The following DMRTC2 variants were observed in gnomAD, a reference collection of about 807,000 sequenced individuals.
DMRTC2 encodes the protein DMRT like family C2.
In DMRTC2, 13 loss-of-function variants were observed where a neutral mutation model predicts 39.9. The observed-to-expected ratio is 0.33, with a 90% CI of 0.21 to 0.52. The LOEUF is 0.52. DMRTC2 is among the 20% of genes least tolerant of loss of function. DMRTC2 has a pLI of 0.96. For missense variants in DMRTC2, 431 were observed against 472.8 expected, an observed-to-expected ratio of 0.91 and a Z score of 0.82; for synonymous variants, 189 against 185.2, an observed-to-expected ratio of 1.02 and a Z score of -0.17.
chr19:41,847,621 G>T lies in DMRTC2; in HGVS notation c.193G>T (p.Ala65Ser), dbSNP rs554987329. ...CCACAAGCGCCTCTGCCTCTTCCAG[G>T]CTTGCGAGTGTCACAAATGTGTCCT... Reference protein sequence around the residue: ...KGHKRLCLFQACECHKCVLIL... With the variant: ...KGHKRLCLFQSCECHKCVLIL... Residue 65 changes from alanine (A) to serine (S), a missense_variant, in exon 2 of 9, where the codon GCT becomes TCT. By Grantham distance (99) the Ala-to-Ser change is moderately conservative. Transcript: ENST00000269945. 1.1e-5 allele frequency: 17 copies of T among 1,614,216 alleles called. No homozygotes were observed. In the African/African-American group the frequency reaches 1.3e-4, roughly 13 times the overall value.
Position 41,851,620 on chromosome 19 carries a change from C to T in DMRTC2, c.1028C>T (p.Pro343Leu), listed in dbSNP as rs782176424. 2.5e-5 allele frequency: 40 copies of T among 1,614,186 alleles called. 4 individuals carry two copies. In the South Asian group the frequency reaches 4.2e-4, roughly 17 times the overall value. The change falls in exon 9 of 9, where the codon CCC becomes CTC. Residue 343 changes from proline (P) to leucine (L), a missense_variant. Pro to Leu is a moderately conservative substitution (Grantham distance 98, BLOSUM62 -3). Transcript: ENST00000269945. ...GGAAGAGGATTCCAGCCTGTTGGCC[C>T]CTGTCTTCGACCCAGCCCAGCCCCC... ...AGGRGFQPVG[P>L]CLRPSPAPSV... is the part of the protein sequence containing the mutation.
In DMRTC2 at chr19:41,850,685, C is replaced by A. The variant is rs782512193; in HGVS notation, c.976C>A (p.Pro326Thr). ...CCCTGCCTGGATCTCCCTGCTTCAC[C>A]CCTGTGGCCCACCAGGTGGGCCATG... ...PNPAWISLLH[P>T]CGPPAPAGGR... is the part of the protein sequence containing the mutation. The change falls in exon 8 of 9, where the codon CCC (proline) becomes ACC (threonine). Residue 326 changes from proline (P) to threonine (T), a missense_variant. Pro to Thr is a conservative substitution (Grantham distance 38). Transcript: ENST00000269945. The A allele has an allele frequency of 4.4e-6, 7 of 1,577,450 alleles. No homozygotes were observed. Among genetic ancestry groups the A allele is most frequent in the Non-Finnish European group, 6.0e-6 (7 of 1,163,850 alleles).
chr19:41,849,403 C>G (rs1300344889), intron 6 of DMRTC2, 147 bp downstream of exon 6: 14 of 1,223,990 alleles, frequency 1.1e-5, no homozygotes, highest in Non-Finnish European at 1.6e-5. Context: ...CTGCCATTTC[C>G]TAGCTGTGAT....
chr19:41,848,391 G>A, intron 3 of DMRTC2, 61 bp from the exon 4 acceptor site: 2 of 1,419,642 alleles, frequency 1.4e-6, no homozygotes, highest in Non-Finnish European at 1.9e-6. Flanking sequence ...ACTGTCTGGG[G>A]TTGGGGTAGG....
In DMRTC2 at chr19:41,851,584, C is replaced by T. The variant is rs782638534; in HGVS notation, c.992C>T (p.Ala331Val). 3 of 1,613,868 alleles carry T rather than the reference C, an allele frequency of 1.9e-6. No individual in the cohort carries two copies. In the East Asian group the frequency reaches 6.7e-5, roughly 36 times the overall value. Residue 331 changes from alanine (A) to valine (V), a missense_variant and splice_region_variant, in exon 9 of 9, where the codon GCT (alanine) becomes GTT (valine). Transcript: ENST00000269945. The part of the protein sequence containing the change: ...ISLLHPCGPP[A>V]PAGGRGFQPV... ...CCTGCCCCTTCCTTCTTGCCTGTAG[C>T]TCCTGCTGGAGGAAGAGGATTCCAG...
intron 5 of DMRTC2, 68 bp from the exon 6 acceptor site, chr19:41,849,062 T>C (rs2073914425): frequency 6.2e-7 from 1 of 1,611,580 alleles, no homozygotes; most frequent in East Asian, 2.2e-5. Flanking sequence ...AAAGCATAGG[T>C]GGGGAGAGGG....
chr19:41,849,138 C>G lies in DMRTC2; in HGVS notation c.637C>G (p.Pro213Ala), dbSNP rs782724452. Reference sequence around the variant, plus strand: ...TCTTTTATTCTTATTAGGCTTTGACCCTGGCACCTCCCTCCAGCTGCCCAC... The same window carrying G: ...TCTTTTATTCTTATTAGGCTTTGACGCTGGCACCTCCCTCCAGCTGCCCAC... ...VSLPPFPGFD[P>A]GTSLQLPTHG... The change falls in exon 6 of 9, where the codon CCT becomes GCT. Residue 213 changes from proline to alanine, a missense_variant. Transcript: ENST00000269945. 5 of 1,614,036 alleles carry G rather than the reference C, an allele frequency of 3.1e-6. No homozygotes were observed. The highest frequency in any genetic ancestry group is 2.7e-5 in the African/African-American group (2 of 74,902).
chr19:41,849,033 T>C (rs2073913937), intron 5 of DMRTC2, 58 bp downstream of exon 5: 2 of 1,611,862 alleles, frequency 1.2e-6, no homozygotes, highest in East Asian at 2.2e-5. Flanking sequence ...CTGCCACATA[T>C]TGGAGAGGGA....
At chr19:41,851,145 A>G in intron 8 of DMRTC2, 1 of 200,680 alleles carries the variant, frequency 5.0e-6, no homozygotes, top group South Asian at 1.5e-4. Context: ...GATTGGAGGA[A>G]CCTTGAAGAG....
Position 41,849,191 on chromosome 19 carries a change from A to T in DMRTC2, c.690A>T (p.Gly230=). ...ATGGGCCCTTCACCACCTGCCCAGG[A>T]TCTCACCCAGTACTGACAGCTCCTC... is the stretch of plus-strand genomic sequence containing the variant. ...PTHGPFTTCP[G]SHPVLTAPLS... Residue 230 remains glycine (G), a synonymous_variant, in exon 6 of 9, where the codon GGA becomes GGT. Transcript: ENST00000269945. The T allele has an allele frequency of 6.2e-7, 1 of 1,614,118 alleles. No individual in the cohort carries two copies. The highest frequency in any genetic ancestry group is 8.5e-7 in the Non-Finnish European group (1 of 1,180,014).
intron 5 of DMRTC2, 44 bp from the exon 6 acceptor site, chr19:41,849,086 T>C (rs1485511415): frequency 6.2e-7 from 1 of 1,612,534 alleles, no homozygotes; most frequent in East Asian, 2.2e-5. Context: ...AAAGAAACTA[T>C]GACCTTGGCC....
At chr19:41,846,084 T>C (rs1285070762) in intron 1 of DMRTC2, among the ~76,000 whole-genome samples, 3 of 151,384 alleles carry the variant, frequency 2.0e-5, no homozygotes, top group African/African-American at 4.8e-5. Flanking sequence ...GAGAGGGTTC[T>C]GATTTAAAGG....
intron 4 of DMRTC2, 94 bp downstream of exon 4, chr19:41,848,622 A>T: frequency 7.2e-7 from 1 of 1,391,732 alleles, no homozygotes; most frequent in Non-Finnish European, 1.0e-6. Context: ...TTCTAGCCCC[A>T]GCCCTGGTTT....
intron 3 of DMRTC2, 90 bp from the exon 4 acceptor site, chr19:41,848,362 C>CTAG: frequency 8.9e-7 from 1 of 1,117,632 alleles, no homozygotes; most frequent in Admixed American, 2.9e-5. Context: ...AAAAAATGAG[C>CTAG]TAGATGGGGG....
intron 3 of DMRTC2, 67 bp downstream of exon 3, chr19:41,847,948 C>A: frequency 6.6e-7 from 1 of 1,511,720 alleles, no homozygotes; most frequent in Non-Finnish European, 8.9e-7. Context: ...GAAAAAGAGG[C>A]CCAGTCCTGC....
Position 41,850,617 on chromosome 19 carries a change from A to T in DMRTC2, c.908A>T (p.Asp303Val), listed in dbSNP as rs782752150. Residue 303 changes from aspartate to valine, a missense_variant, in exon 8 of 9, where the codon GAT becomes GTT. Transcript: ENST00000269945. ...GCTGAAGCCCTCGTGGGGCTGAAAG[A>T]TTCATCCCAGGCTCCTCGTGTGACC... ...EAAEALVGLK[D>V]SSQAPRVTPS... The T allele has an allele frequency of 3.0e-5, 48 of 1,613,420 alleles. No homozygotes were observed. In the South Asian group the frequency reaches 4.1e-4, roughly 14 times the overall value.
At chr19:41,846,513 G>T (rs782430572) in intron 1 of DMRTC2, among the ~76,000 whole-genome samples, 8 of 151,860 alleles carry the variant, frequency 5.3e-5, no homozygotes, top group Non-Finnish European at 1.0e-4. Context: ...TTCGAGACCA[G>T]ACCAGCCTGG....
In DMRTC2 at chr19:41,847,668, G is replaced by A; in HGVS notation, c.224+16G>A. The stretch of plus-strand genomic sequence containing the variant: ...TCCTCATCCTGTGAGTATGAGGTCT[G>A]GGAGGGGAGGAGGATGAGCCTCCTC... On this transcript the variant is annotated intron_variant, in intron 2 of 8. Transcript: ENST00000269945. The A allele has an allele frequency of 6.2e-7, 1 of 1,613,932 alleles. No homozygotes were observed. Among genetic ancestry groups the A allele is most frequent in the Non-Finnish European group, 8.5e-7 (1 of 1,179,828 alleles).
rs1555837058 is a variant in DMRTC2, at chr19:41,850,384, G to T, written c.816+12G>T. The T allele has an allele frequency of 1.3e-6, 2 of 1,538,500 alleles. No homozygotes were observed. Among genetic ancestry groups the T allele is most frequent in the African/African-American group, 1.4e-5 (1 of 71,932 alleles). On this transcript the variant is annotated intron_variant, in intron 7 of 8. Coordinates refer to ENST00000269945, the MANE Select transcript of DMRTC2 (RefSeq NM_001040283.3). ...AGCTACAGCCACAGGTCCTGGGAAA[G>T]AAGTGGGATCTAGGGCCCTGGGAGG...
Sources: allele counts gnomAD v4.1 joint callset (sites outside exome capture counted in the v4.1 genomes callset), GRCh38; gene constraint gnomAD v4.1.1; transcripts MANE v1.5; gene names NCBI Gene and HGNC (gene_info 2026-07-23, HGNC 2026-07-21).